AKR1B15: variants seen among roughly 807,000 people sequenced by gnomAD.
The protein encoded by AKR1B15 is aldo-keto reductase family 1 member B15, also known as estradiol 17-beta-dehydrogenase AKR1B15.
Under a neutral mutation model 38.5 loss-of-function variants are expected in AKR1B15, and 49 were observed. That is an observed-to-expected ratio of 1.27 (90% CI 1.01 to 1.62). The LOEUF (loss-of-function observed/expected upper bound fraction) is 1.62. AKR1B15 is among the 40% of genes most tolerant of loss of function. AKR1B15 has a pLI of 0.00. For synonymous variants in AKR1B15, 137 were observed against 135.5 expected (o/e 1.01, Z -0.08); for missense variants, 411 against 381.6 (o/e 1.08, Z -0.64).
At position 134,576,432 on chromosome 7, in the gene AKR1B15, T is replaced by C; in HGVS notation, c.825+2T>C. On this transcript the variant is annotated splice_donor_variant, in intron 9 of 11. Coordinates refer to ENST00000457545, the MANE Select transcript of AKR1B15 (RefSeq NM_001080538.3). LOFTEE classifies it high-confidence loss of function. ...AAGCACAAAAAAACCACAGCCCAGGTACCATATTTTTATTTTTCTTGTTAT... is the reference window on the plus strand; with the variant it reads ...AAGCACAAAAAAACCACAGCCCAGGCACCATATTTTTATTTTTCTTGTTAT... The C allele has an allele frequency of 6.2e-7, 1 of 1,613,972 alleles. No individual in the cohort carries two copies. The highest frequency in any genetic ancestry group is 1.1e-5 in the South Asian group (1 of 91,074).
chr7:134,564,920 C>T (rs1794499147), intron 3 of AKR1B15, 151 bp downstream of exon 3: 3 of 491,566 alleles, frequency 6.1e-6, no homozygotes, highest in Admixed American at 7.1e-5. Flanking sequence ...TGTAAATGCA[C>T]CAATCAGTGC....
At chr7:134,552,325 C>T (rs909335561) in intron 1 of AKR1B15, among the ~76,000 whole-genome samples, 9 of 152,116 alleles carry the variant, frequency 5.9e-5, no homozygotes, top group African/African-American at 2.2e-4. Context: ...TTCACCCTCA[C>T]AACTGCCGGA....
chr7:134,577,553 A>T (rs1315841672), intron 10 of AKR1B15, 151 bp from the exon 11 acceptor site: 6 of 854,688 alleles, frequency 7.0e-6, no homozygotes, highest in Non-Finnish European at 1.1e-5. Context: ...AATTTAGAGA[A>T]AAATTTGTAT....
intron 5 of AKR1B15, among the ~76,000 whole-genome samples, chr7:134,571,308 G>T (rs1794662332): frequency 6.6e-6 from 1 of 152,222 alleles, no homozygotes; most frequent in African/African-American, 2.4e-5. Flanking sequence ...GCCCTTGGGT[G>T]TGTATAGGAT....
intron 2 of AKR1B15, among the ~76,000 whole-genome samples, chr7:134,562,456 T>C (rs147072723): frequency 0.073 from 10,939 of 150,652 alleles, 642 homozygotes; most frequent in East Asian, 0.3. Flanking sequence ...CTGATTGGTC[T>C]ATTTTACAGA....
At position 134,554,149 on chromosome 7, in the gene AKR1B15, T is replaced by A. The variant is rs1331491387; in HGVS notation, c.-146-2587T>A. Among the ~76,000 whole-genome samples, 4 of 152,108 alleles carry A rather than the reference T, an allele frequency of 2.6e-5. No individual in the cohort carries two copies. In the East Asian group the frequency reaches 7.8e-4, roughly 30 times the overall value. ...GAAATTTTAGCCCTGCTTGAAGCTG[T>A]TTGGCTCCCTCAACAGGTGGCTGCA... On this transcript the variant is annotated intron_variant, in intron 1 of 11. Coordinates refer to ENST00000457545, the MANE Select transcript of AKR1B15 (RefSeq NM_001080538.3).
At chr7:134,562,349 G>A (rs1374845883) in intron 2 of AKR1B15, among the ~76,000 whole-genome samples, 4 of 152,120 alleles carry the variant, frequency 2.6e-5, no homozygotes, top group Non-Finnish European at 2.9e-5. Context: ...GCTGCTGGGG[G>A]CTGGGGTGAC....
intron 7 of AKR1B15, 118 bp downstream of exon 7, chr7:134,575,660 T>C (rs1440334204): frequency 1.3e-6 from 2 of 1,576,752 alleles, no homozygotes; most frequent in East Asian, 2.2e-5. Flanking sequence ...TCAGGACACT[T>C]TGGGGAGGTG....
intron 2 of AKR1B15, among the ~76,000 whole-genome samples, chr7:134,562,846 CTTTCTTTCTTTCTTT>C: frequency 2.2e-5 from 2 of 91,888 alleles, no homozygotes; most frequent in Middle Eastern, 0.01. Context: ...TTCTTTCTTT[CTTTCTTTCTTTCTTT>C]CTTTCTTTCT....
At chr7:134,562,018 G>T (rs993935712) in intron 2 of AKR1B15, among the ~76,000 whole-genome samples, 3 of 152,052 alleles carry the variant, frequency 2.0e-5, no homozygotes, top group African/African-American at 7.2e-5. Context: ...GGGTCTCACT[G>T]TGTCGCCCAG....
intron 2 of AKR1B15, among the ~76,000 whole-genome samples, chr7:134,562,880 T>TTCTTTCTTTC (rs1491286177): frequency 5.5e-4 from 77 of 139,320 alleles, no homozygotes; most frequent in Non-Finnish European, 8.7e-4. Context: ...CTTTCTTTCT[T>TTCTTTCTTTC]TCTTTCTTTC....
intron 2 of AKR1B15, among the ~76,000 whole-genome samples, chr7:134,562,956 T>C (rs1794454222): frequency 6.6e-6 from 1 of 151,170 alleles, no homozygotes; most frequent in Non-Finnish European, 1.5e-5. Flanking sequence ...TCTTTCTGTC[T>C]TTTTCTGTCT....
chr7:134,577,219 C>T (rs1303537232), intron 10 of AKR1B15, among the ~76,000 whole-genome samples, 173 bp downstream of exon 10: 1 of 152,192 alleles, frequency 6.6e-6, no homozygotes, highest in Non-Finnish European at 1.5e-5. Context: ...ATGAATGACC[C>T]ATGGGCTAAG....
intron 5 of AKR1B15, among the ~76,000 whole-genome samples, chr7:134,570,767 C>A (rs560838569): frequency 5.9e-5 from 9 of 152,092 alleles, no homozygotes; most frequent in African/African-American, 1.9e-4. Context: ...GACCTTGGAG[C>A]AGAAAGATGC....
chr7:134,573,311 G>T (rs1031959066), intron 6 of AKR1B15: 5 of 950,204 alleles, frequency 5.3e-6, no homozygotes, highest in Admixed American at 6.2e-5. Flanking sequence ...GATTACAGGC[G>T]TGAGCTATAG....
chr7:134,565,651 G>C, intron 3 of AKR1B15: 1 of 1,532,682 alleles, frequency 6.5e-7, no homozygotes, highest in Non-Finnish European at 8.8e-7. Context: ...TAGGGGTTTG[G>C]AGAGGTGAAT....
rs773120093 is a variant in AKR1B15 at position 134,575,516 on chromosome 7, C to G, written c.610C>G (p.Leu204Val). The G allele has an allele frequency of 3.1e-6, 5 of 1,613,892 alleles. No individual in the cohort carries two copies. Among genetic ancestry groups the G allele is most frequent in the Non-Finnish European group, 4.2e-6 (5 of 1,179,824 alleles). The stretch of plus-strand genomic sequence containing the variant: ...CGAGAGGCTCTTGAACAAACCTGGA[C>G]TGAAATATAAACCAGTGACTAACCA... ...QIERLLNKPG[L>V]KYKPVTNQVE... Residue 204 changes from leucine (L) to valine (V), a missense_variant, in exon 7 of 12, where the codon CTG (leucine) becomes GTG (valine). Leu to Val is a conservative substitution (Grantham distance 32). Around this residue, in one of 3 missense-constraint regions of AKR1B15, gnomAD observed 254 missense variants for 212.4 expected, o/e 1.20. Transcript: ENST00000457545.
In AKR1B15 at chr7:134,579,795, A is replaced by C. The variant is rs563193114; in HGVS notation, c.*246A>C. The C allele has an allele frequency of 5.0e-6, 2 of 403,406 alleles. No homozygotes were observed. The highest frequency in any genetic ancestry group is 7.5e-5 in the East Asian group (2 of 26,818). The allele number at this position is 403,406 out of a possible 1,614,324, so 25.0% of individuals were successfully genotyped here. A position where few individuals can be genotyped will look rare whatever the true frequency, so the allele number is the denominator to read the frequency against. The stretch of plus-strand genomic sequence containing the variant: ...TTTTTTCCACTTATCTGATCTGATC[A>C]AATGTCTGTTAAGCACCAGAAACTC... On this transcript the variant is annotated 3_prime_UTR_variant, in exon 12 of 12. Transcript: ENST00000457545.
intron 1 of AKR1B15, among the ~76,000 whole-genome samples, chr7:134,551,260 G>A (rs1195631324): frequency 6.6e-6 from 1 of 152,154 alleles, no homozygotes; most frequent in Non-Finnish European, 1.5e-5. Context: ...TCAGCCGGAG[G>A]AGGTGGCCCC....
Sources: allele counts gnomAD v4.1 joint callset (sites outside exome capture counted in the v4.1 genomes callset), GRCh38; gene constraint gnomAD v4.1.1; regional missense constraint gnomAD v4.1.1; transcripts MANE v1.5; gene names NCBI Gene and HGNC (gene_info 2026-07-23, HGNC 2026-07-21).